The following NKAIN3 variants were observed in gnomAD, a reference collection of about 807,000 sequenced individuals.
NKAIN3 encodes the protein sodium/potassium transporting ATPase interacting 3, also known as sodium/potassium-transporting ATPase subunit beta-1-interacting protein 3.
A neutral mutation model predicts 30.2 loss-of-function variants in NKAIN3; 25 were observed. The observed-to-expected ratio is 0.83, with a 90% CI of 0.60 to 1.16. The LOEUF (loss-of-function observed/expected upper bound fraction) is 1.16, where lower values mean the gene tolerates loss of function less well. Ranked by LOEUF, NKAIN3 falls within the 50% of genes most tolerant of loss-of-function variation. The probability of loss-of-function intolerance (pLI) is 0.00; values close to 1 mark genes in which losing one functional copy is unlikely to be tolerated. For synonymous variants in NKAIN3, 91 were observed against 89.6 expected (o/e 1.02, Z -0.09); for missense variants, 225 against 254.1 (o/e 0.89, Z 0.78).
intron 1 of NKAIN3, among the ~76,000 whole-genome samples, chr8:62,333,532 G>A (rs1382325680): frequency 6.6e-6 from 1 of 152,048 alleles, no homozygotes; most frequent in South Asian, 2.1e-4. Flanking sequence ...TCTTGTAATA[G>A]TCACATTTCT....
At chr8:62,361,284 C>G (rs1816552233) in intron 1 of NKAIN3, among the ~76,000 whole-genome samples, 1 of 152,210 alleles carries the variant, frequency 6.6e-6, no homozygotes, top group African/African-American at 2.4e-5. Context: ...ATGACCTGAT[C>G]TTATGTTTAT....
intron 5 of NKAIN3, among the ~76,000 whole-genome samples, chr8:62,949,797 T>C (rs1823233268): frequency 6.6e-6 from 1 of 152,136 alleles, no homozygotes; most frequent in Admixed American, 6.5e-5. Flanking sequence ...AATTTCACTG[T>C]ACTGCAGGCT....
intron 1 of NKAIN3, among the ~76,000 whole-genome samples, chr8:62,500,465 G>GAAAT (rs370794324): frequency 8.0e-6 from 1 of 125,346 alleles, no homozygotes; most frequent in Non-Finnish European, 1.7e-5. Flanking sequence ...AAGAAAGAAA[G>GAAAT]AAAGAAAGAA....
intron 3 of NKAIN3, among the ~76,000 whole-genome samples, chr8:62,676,001 T>C (rs538040292): frequency 1.3e-5 from 2 of 152,216 alleles, no homozygotes; most frequent in Non-Finnish European, 2.9e-5. Context: ...AAGAAGATTA[T>C]AAGCAAAAGA....
rs144288502 is a variant in NKAIN3 at position 62,935,977 on chromosome 8, T to C, written c.532+17464T>C. 1.9e-3 allele frequency among the ~76,000 whole-genome samples: 292 copies of C among 152,308 alleles called. 2 individuals carry two copies. Among genetic ancestry groups the C allele is most frequent in the Middle Eastern group, 6.8e-3 (2 of 294 alleles). On this transcript the variant is annotated intron_variant, in intron 5 of 6. Transcript: ENST00000623646. ...TCATTTTAATAGCTGCAAAATTCTA[T>C]ATGGCTATCCAGTGAAATTATGAAA...
At chr8:62,394,244 A>G (rs13254167) in intron 1 of NKAIN3, among the ~76,000 whole-genome samples, 84,690 of 151,036 alleles carry the variant, frequency 0.56, 26,304 homozygotes, top group East Asian at 0.68. Context: ...ATTTCTCATT[A>G]CATTTTTTTT....
intron 1 of NKAIN3, among the ~76,000 whole-genome samples, chr8:62,395,416 G>A (rs921897099): frequency 2.6e-5 from 4 of 152,162 alleles, no homozygotes; most frequent in African/African-American, 9.7e-5. Flanking sequence ...GGCGGTGCGG[G>A]AACCAGGCGG....
In NKAIN3 at chr8:62,405,949, G is replaced by T. The variant is rs1382543478; in HGVS notation, c.54+156822G>T. On this transcript the variant is annotated intron_variant, in intron 1 of 6. Coordinates refer to ENST00000623646, the MANE Select transcript of NKAIN3 (RefSeq NM_001304533.3). ...TTTACACCATACAAGTTATTACTTG[G>T]CTGTAAATCATTTTTAAACCAGTAT... Among the ~76,000 whole-genome samples, 20 of 151,968 alleles carry T rather than the reference G, an allele frequency of 1.3e-4. 1 individual carries two copies. Among genetic ancestry groups the T allele is most frequent in the Admixed American group, 1.0e-3 (16 of 15,250 alleles).
chr8:62,530,924 C>T (rs978996450), intron 1 of NKAIN3, among the ~76,000 whole-genome samples: 12 of 152,258 alleles, frequency 7.9e-5, no homozygotes, highest in Admixed American at 5.9e-4. Context: ...GAATTATGGG[C>T]GTGAACCACC....
At chr8:62,713,256 C>G (rs1343720123) in intron 3 of NKAIN3, among the ~76,000 whole-genome samples, 1 of 152,192 alleles carries the variant, frequency 6.6e-6, no homozygotes, top group African/African-American at 2.4e-5. Context: ...TTATTTTTGA[C>G]TCTCATAGCA....
chr8:62,735,976 G>A (rs1815653082), intron 3 of NKAIN3, among the ~76,000 whole-genome samples: 1 of 152,178 alleles, frequency 6.6e-6, no homozygotes, highest in Admixed American at 6.5e-5. Context: ...TGTCTGCAAA[G>A]GGTTCCGTGA....
chr8:62,334,954 G>A lies in NKAIN3; in HGVS notation c.54+85827G>A, dbSNP rs527676277. Among the ~76,000 whole-genome samples, 8 of 152,150 alleles carry A rather than the reference G, an allele frequency of 5.3e-5. No individual in the cohort carries two copies. The South Asian group carries it at 1.5e-3, about 28-fold the overall frequency. On this transcript the variant is annotated intron_variant, in intron 1 of 6. Coordinates refer to ENST00000623646, the MANE Select transcript of NKAIN3 (RefSeq NM_001304533.3). Reference sequence around the variant, plus strand: ...TTAAGAGTAAGTAATTAAAGAGACAGGAACTGAAAACTGCTTGTCATTAAT... The same window carrying A: ...TTAAGAGTAAGTAATTAAAGAGACAAGAACTGAAAACTGCTTGTCATTAAT...
chr8:62,626,892 T>A (rs1811805525), intron 3 of NKAIN3, among the ~76,000 whole-genome samples: 2 of 152,132 alleles, frequency 1.3e-5, no homozygotes, highest in Non-Finnish European at 2.9e-5. Flanking sequence ...AACAATTAAA[T>A]CTGTTCAACA....
chr8:62,638,944 C>T (rs1388529375), intron 3 of NKAIN3, among the ~76,000 whole-genome samples: 2 of 152,152 alleles, frequency 1.3e-5, no homozygotes, highest in African/African-American at 2.4e-5. Context: ...TAAACTAATT[C>T]AGACTCTTTT....
At position 62,440,081 on chromosome 8, in the gene NKAIN3, C is replaced by T. The variant is rs974640491; in HGVS notation, c.55-139458C>T. ...GGTCCTTTGCTTTTACTAAAAGGTG[C>T]GTTTTATTTACTCCTTTTTGCAATT... On this transcript the variant is annotated intron_variant, in intron 1 of 6. Transcript: ENST00000623646. Among the ~76,000 whole-genome samples, 5 of 152,158 alleles carry T rather than the reference C, an allele frequency of 3.3e-5. No individual in the cohort carries two copies. The East Asian group carries it at 5.8e-4, about 18-fold the overall frequency.
chr8:62,372,807 T>TA (rs1816950658), intron 1 of NKAIN3, among the ~76,000 whole-genome samples: 1 of 152,094 alleles, frequency 6.6e-6, no homozygotes, highest in Non-Finnish European at 1.5e-5. Flanking sequence ...AGACCACTTT[T>TA]TATAAGAGTC....
At chr8:62,886,356 T>A (rs1002934803) in intron 4 of NKAIN3, among the ~76,000 whole-genome samples, 3 of 152,030 alleles carry the variant, frequency 2.0e-5, no homozygotes, top group Non-Finnish European at 4.4e-5. Context: ...TAAACATATA[T>A]AATCAAATAT....
At position 62,983,771 on chromosome 8, in the gene NKAIN3, C is replaced by G. The variant is rs1824141218; in HGVS notation, c.*18364C>G. 1 of 152,184 alleles carries G rather than the reference C, an allele frequency of 6.6e-6. No homozygotes were observed. Among genetic ancestry groups the G allele is most frequent in the Non-Finnish European group, 1.5e-5 (1 of 68,046 alleles). 9.4% of individuals were successfully genotyped at this position (152,184 alleles called of 1,614,324 possible). On this transcript the variant is annotated 3_prime_UTR_variant, in exon 7 of 7. Coordinates refer to ENST00000623646, the MANE Select transcript of NKAIN3 (RefSeq NM_001304533.3). Reference sequence around the variant, plus strand: ...ACTGCGGTCACCCATTTTATACAAACCAAAGCACTTCTGACAGACCTCTGA... The same window carrying G: ...ACTGCGGTCACCCATTTTATACAAAGCAAAGCACTTCTGACAGACCTCTGA...
intron 4 of NKAIN3, among the ~76,000 whole-genome samples, chr8:62,873,374 C>A (rs1397425002): frequency 1.3e-5 from 2 of 151,510 alleles, no homozygotes; most frequent in East Asian, 1.9e-4. Context: ...CTTAGACTCC[C>A]ACACTATAAT....
Sources: gnomAD v4.1 joint callset for allele counts (sites outside exome capture counted in the v4.1 genomes callset) on GRCh38, gnomAD v4.1.1 for gene constraint, MANE v1.5 for transcripts, NCBI Gene and HGNC (gene_info 2026-07-23, HGNC 2026-07-21) for gene names.